SYT16: variants seen among roughly 807,000 people sequenced by gnomAD.
SYT16 encodes the protein synaptotagmin-16.
Under a neutral mutation model 61.4 loss-of-function variants are expected in SYT16, and 42 were observed. That is an observed-to-expected ratio of 0.68 (90% CI 0.53 to 0.89). The LOEUF is 0.89. Ranked by LOEUF, SYT16 falls within the 40% of genes least tolerant of loss-of-function variation. The pLI is 0.00. For synonymous variants in SYT16, 314 were observed against 302.3 expected, an observed-to-expected ratio of 1.04 and a Z score of -0.40; for missense variants, 804 against 807.3, an observed-to-expected ratio of 1.00 and a Z score of 0.05.
intron 3 of SYT16, among the ~76,000 whole-genome samples, chr14:62,025,130 T>C (rs947546770): frequency 1.3e-5 from 2 of 152,124 alleles, no homozygotes; most frequent in Non-Finnish European, 2.9e-5. Context: ...GTGTTTTCAA[T>C]TCTTTTGGAC....
At chr14:61,909,751 T>A (rs544937556) in intron 1 of SYT16, among the ~76,000 whole-genome samples, 10 of 152,226 alleles carry the variant, frequency 6.6e-5, no homozygotes, top group Admixed American at 3.9e-4. Flanking sequence ...GCAAATTGTA[T>A]GTAATATAGC....
chr14:61,882,792 T>C (rs964149059), intron 1 of SYT16, among the ~76,000 whole-genome samples: 1 of 152,220 alleles, frequency 6.6e-6, no homozygotes, highest in African/African-American at 2.4e-5. Flanking sequence ...CTAGATACAA[T>C]GGGAGTACAG....
chr14:61,827,025 T>A (rs1004316434), intron 1 of SYT16, among the ~76,000 whole-genome samples: 51 of 152,006 alleles, frequency 3.4e-4, no homozygotes, highest in African/African-American at 1.2e-3. Context: ...TTATTTAATT[T>A]GAACTACCTC....
chr14:61,884,997 T>C (rs1353828181), intron 1 of SYT16, among the ~76,000 whole-genome samples: 1 of 152,196 alleles, frequency 6.6e-6, no homozygotes, highest in Admixed American at 6.5e-5. Context: ...ATGGAATGAT[T>C]TTTCCCATGA....
chr14:61,881,210 A>G (rs755125457), intron 1 of SYT16, among the ~76,000 whole-genome samples: 2 of 152,194 alleles, frequency 1.3e-5, no homozygotes, highest in African/African-American at 4.8e-5. Flanking sequence ...TTCCAGTAAC[A>G]TACAAATGTG....
In SYT16 at chr14:62,086,039, C is replaced by CAAAT. The variant is rs550826037; in HGVS notation, c.1624+1656_1624+1657insATAA. On this transcript the variant is annotated intron_variant, in intron 7 of 7. Transcript: ENST00000683842. ...GTGGATCACACAATCATGGCCTATT[C>CAAAT]AAGTCCATGCTGGGAAGCTTTATTT... 3.4e-3 allele frequency among the ~76,000 whole-genome samples: 519 copies of CAAAT among 152,252 alleles called. 5 individuals carry two copies. Among genetic ancestry groups the CAAAT allele is most frequent in the African/African-American group, 0.012 (503 of 41,530 alleles).
intron 1 of SYT16, among the ~76,000 whole-genome samples, chr14:61,905,026 T>C (rs2140365654): frequency 6.6e-6 from 1 of 151,844 alleles, no homozygotes; most frequent in Admixed American, 6.5e-5. Flanking sequence ...ACAGTTGGGG[T>C]CAGAATAGAA....
chr14:61,956,826 T>TC (rs2050895619), intron 1 of SYT16, among the ~76,000 whole-genome samples: 1 of 151,774 alleles, frequency 6.6e-6, no homozygotes, highest in South Asian at 2.1e-4. Context: ...ATTTTTTTTT[T>TC]CTATTGCTTT....
intron 1 of SYT16, among the ~76,000 whole-genome samples, chr14:61,815,126 A>G (rs1047336836): frequency 6.6e-6 from 1 of 152,234 alleles, no homozygotes; most frequent in East Asian, 1.9e-4. Flanking sequence ...CTTCACTCCC[A>G]GAGTTCCTGA....
chr14:62,103,048 A>G lies in SYT16; in HGVS notation c.*2341A>G, dbSNP rs922128850. On this transcript the variant is annotated 3_prime_UTR_variant, in exon 8 of 8. Coordinates refer to ENST00000683842, the MANE Select transcript of SYT16 (RefSeq NM_001367656.1). ...TAGGATGCATGTACATCTTGAATAT[A>G]CAGCAACATTCACCCTCAGCTGATT... 3 of 152,220 alleles carry G rather than the reference A, an allele frequency of 2.0e-5. No homozygotes were observed. The highest frequency in any genetic ancestry group is 7.2e-5 in the African/African-American group (3 of 41,454). The allele number at this position is 152,220 out of a possible 1,614,324, so 9.4% of individuals were successfully genotyped here.
chr14:61,853,644 C>G (rs2046685566), intron 1 of SYT16, among the ~76,000 whole-genome samples: 1 of 152,196 alleles, frequency 6.6e-6, no homozygotes, highest in South Asian at 2.1e-4. Flanking sequence ...ACTTTCCAGA[C>G]TCCATAACTG....
At chr14:61,888,922 C>G (rs945311987) in intron 1 of SYT16, among the ~76,000 whole-genome samples, 3 of 152,166 alleles carry the variant, frequency 2.0e-5, no homozygotes, top group Non-Finnish European at 4.4e-5. Flanking sequence ...TCCTCTGTCA[C>G]ATTTAGGTTT....
intron 1 of SYT16, among the ~76,000 whole-genome samples, chr14:61,933,819 C>A (rs55874547): frequency 0.12 from 18,705 of 152,128 alleles, 1,709 homozygotes; most frequent in African/African-American, 0.26. Context: ...AAAAAACAGT[C>A]TATACTAGAA....
At chr14:61,896,155 G>A (rs2048319170) in intron 1 of SYT16, among the ~76,000 whole-genome samples, 1 of 151,910 alleles carries the variant, frequency 6.6e-6, no homozygotes, top group East Asian at 1.9e-4. Context: ...ATCTTCTCTG[G>A]CCCTGTGCTT....
At chr14:61,925,067 C>T (rs1037164043) in intron 1 of SYT16, among the ~76,000 whole-genome samples, 1 of 152,200 alleles carries the variant, frequency 6.6e-6, no homozygotes, top group African/African-American at 2.4e-5. Flanking sequence ...TGCTGGGAAG[C>T]GCCCTCTTGA....
At chr14:61,911,212 C>T (rs1215996902) in intron 1 of SYT16, among the ~76,000 whole-genome samples, 2 of 152,110 alleles carry the variant, frequency 1.3e-5, no homozygotes, top group African/African-American at 4.8e-5. Flanking sequence ...GAAATGGTTG[C>T]AGAGGTTGAA....
At chr14:61,921,531 G>A (rs986520913) in intron 1 of SYT16, among the ~76,000 whole-genome samples, 1 of 152,144 alleles carries the variant, frequency 6.6e-6, no homozygotes, top group Non-Finnish European at 1.5e-5. Context: ...TTTCATGTCT[G>A]CCCTATCTAT....
chr14:62,000,098 G>GGTTTT lies in SYT16; in HGVS notation c.523+3556_523+3557insGTTTT, dbSNP rs1566751979. 4.4e-3 allele frequency among the ~76,000 whole-genome samples: 157 copies of GGTTTT among 35,498 alleles called. 6 individuals are homozygous for GGTTTT. The highest frequency in any genetic ancestry group is 0.027 in the African/African-American group (146 of 5,366). The allele number at this position is 35,498 out of a possible 152,430, so 23.3% of individuals were successfully genotyped here. On this transcript the variant is annotated intron_variant, in intron 3 of 7. Transcript: ENST00000683842. ...TTTTCTAATACTTATTTTGTCTCTC[G>GGTTTT]ATTTTTTTTTTTTTTTTTTTTTTTT...
chr14:62,011,872 T>TACACACAC (rs1233473446), intron 3 of SYT16, among the ~76,000 whole-genome samples: 2,984 of 135,830 alleles, frequency 0.022, 51 homozygotes, highest in Admixed American at 0.027. Context: ...GAACACTATA[T>TACACACAC]ATACACACAC....
Sources: allele counts gnomAD v4.1 joint callset (sites outside exome capture counted in the v4.1 genomes callset), GRCh38; gene constraint gnomAD v4.1.1; transcripts MANE v1.5; gene names NCBI Gene and HGNC (gene_info 2026-07-23, HGNC 2026-07-21).